The following XIST variants were observed in gnomAD, a reference collection of about 807,000 sequenced individuals.
XIST encodes X inactive specific transcript (non-protein coding).
At chrX:73,824,017 A>G (rs1049895951) in exon 6 of XIST, 1 of 554,936 alleles carries the variant, frequency 1.8e-6, no homozygotes, top group Non-Finnish European at 3.3e-6. Flanking sequence ...TGTAGGTTCA[A>G]TAATGATAAT....
chrX:73,825,368 G>A, exon 6 of XIST: 1 of 558,520 alleles, frequency 1.8e-6, no homozygotes, highest in Non-Finnish European at 3.2e-6. Flanking sequence ...TTTTATGCTT[G>A]CTCCTTTCTT....
rs766882371 is a variant in XIST, at chrX:73,825,675, T to C, written n.14226A>G. 2.5e-5 allele frequency: 13 copies of C among 514,001 alleles called. No homozygotes were observed. In the South Asian group the frequency reaches 3.2e-4, roughly 13 times the overall value. The allele number at this position is 514,001 out of a possible 1,213,427, so 42.4% of individuals were successfully genotyped here. ...AAAAACAAATATGTAACAGAAACCATATGGCCCACAGTCTAAAGTATTTAT... is the reference window on the plus strand; with the variant it reads ...AAAAACAAATATGTAACAGAAACCACATGGCCCACAGTCTAAAGTATTTAT... On this transcript the variant is annotated non_coding_transcript_exon_variant, in exon 6 of 6. Transcript: ENST00000429829.
chrX:73,833,398 G>A (rs748131878), intron 2 of XIST: 20 of 533,480 alleles, frequency 3.7e-5, no homozygotes, highest in Non-Finnish European at 6.0e-5. Context: ...ACAGGGTTCA[G>A]TAGGCTACCA....
exon 1 of XIST, chrX:73,846,505 T>G (rs1171947018): frequency 3.6e-6 from 2 of 559,158 alleles, no homozygotes; most frequent in East Asian, 3.2e-5. Flanking sequence ...CCTTCTGTAT[T>G]GCAAAAGGGG....
At chrX:73,841,690 A>C (rs1178419693) in exon 1 of XIST, 4 of 523,021 alleles carry the variant, frequency 7.6e-6, no homozygotes, top group Non-Finnish European at 1.4e-5. Context: ...TTTCTTATAA[A>C]ATAGGGAACT....
chrX:73,848,596 A>C lies in XIST; in HGVS notation n.4128T>G, dbSNP rs73486576. 8,592 of 556,273 alleles carry C rather than the reference A, an allele frequency of 0.015. 385 individuals are homozygous for C. Among genetic ancestry groups the C allele is most frequent in the African/African-American group, 0.15 (6,646 of 44,737 alleles). The allele number at this position is 556,273 out of a possible 1,213,427, so 45.8% of individuals were successfully genotyped here. On this transcript the variant is annotated non_coding_transcript_exon_variant, in exon 1 of 6. Coordinates refer to ENST00000429829, the Ensembl canonical transcript of XIST. ...GATACAGAGTCCCTTTCTAATGGAC[A>C]GGACTCTGGACAATTGCAACTGTGC...
exon 1 of XIST, chrX:73,846,563 G>T (rs1165880323): frequency 1.6e-5 from 9 of 558,653 alleles, no homozygotes; most frequent in Middle Eastern, 6.2e-4. Context: ...GTGCGATTAC[G>T]CACATAAATG....
chrX:73,827,379 G>T (rs1400373378), exon 6 of XIST: 4 of 556,306 alleles, frequency 7.2e-6, no homozygotes, highest in Admixed American at 6.7e-5. Flanking sequence ...GATTCATGAA[G>T]AGGCTGAAAT....
At chrX:73,833,181 T>C (rs1216522886) in intron 3 of XIST, 5 of 526,838 alleles carry the variant, frequency 9.5e-6, no homozygotes, top group Admixed American at 4.7e-5. Flanking sequence ...AAAAGGAGAG[T>C]TGTGGGAAGT....
exon 6 of XIST, chrX:73,827,058 G>T (rs1274043108): frequency 3.6e-6 from 2 of 558,292 alleles, no homozygotes; most frequent in African/African-American, 2.2e-5. Context: ...TTAGTCCTCG[G>T]GTCTCAAGTC....
intron 2 of XIST, among the ~76,000 whole-genome samples, chrX:73,836,482 G>A (rs907263218): frequency 1.8e-5 from 2 of 111,696 alleles, no homozygotes; most frequent in African/African-American, 6.5e-5. Context: ...AGATAAGCAA[G>A]GAGGTGAGAC....
exon 6 of XIST, chrX:73,824,503 T>C (rs780805466): frequency 1.8e-6 from 1 of 557,284 alleles, no homozygotes; most frequent in Non-Finnish European, 3.2e-6. Flanking sequence ...TGAGTTCACA[T>C]AGTAGGCAAT....
chrX:73,847,553 A>C (rs1189726559), exon 1 of XIST: 2 of 512,225 alleles, frequency 3.9e-6, no homozygotes, highest in Non-Finnish European at 7.0e-6. Flanking sequence ...AATTCAAGAA[A>C]GACTTTAGGA....
exon 6 of XIST, chrX:73,824,545 C>A (rs1181614445): frequency 3.6e-6 from 2 of 553,771 alleles, no homozygotes; most frequent in Non-Finnish European, 6.5e-6. Flanking sequence ...GTATTTAAAC[C>A]CTTGGTTTGT....
exon 4 of XIST, chrX:73,831,080 G>A: frequency 1.8e-6 from 1 of 558,167 alleles, no homozygotes; most frequent in South Asian, 2.2e-5. Flanking sequence ...ACGTGTGGTG[G>A]TTGTTTTTGA....
chrX:73,826,026 C>T, exon 6 of XIST: 1 of 559,204 alleles, frequency 1.8e-6, no homozygotes, highest in South Asian at 2.2e-5. Context: ...GGAGTTCAGG[C>T]TGTCCCCTTG....
At chrX:73,826,175 G>A in exon 6 of XIST, 1 of 559,188 alleles carries the variant, frequency 1.8e-6, no homozygotes, top group East Asian at 3.2e-5. Flanking sequence ...GCACATCTGT[G>A]TATTTCTTGT....
At chrX:73,833,416 G>A (rs980195005) in intron 2 of XIST, 9 of 511,686 alleles carry the variant, frequency 1.8e-5, no homozygotes, top group East Asian at 1.0e-4. Flanking sequence ...CCAAAGCACC[G>A]GTAGGATACC....
chrX:73,823,507 T>C (rs1047465159), exon 6 of XIST: 4 of 536,538 alleles, frequency 7.5e-6, no homozygotes, highest in Non-Finnish European at 1.3e-5. Flanking sequence ...CCCAGAATGG[T>C]ATATTCCACA....
Sources: gnomAD v4.1 joint callset for allele counts (sites outside exome capture counted in the v4.1 genomes callset) on GRCh38, gnomAD v4.1.1 for gene constraint, MANE v1.5 for transcripts, NCBI Gene and HGNC (gene_info 2026-07-23, HGNC 2026-07-21) for gene names.